HPSE2: variants seen among roughly 807,000 people sequenced by gnomAD.
The protein encoded by HPSE2 is heparanase 2 (inactive), also known as inactive heparanase-2.
Under a neutral mutation model 60.5 loss-of-function variants are expected in HPSE2, and 38 were observed. That is an observed-to-expected ratio of 0.63 (90% CI 0.48 to 0.82). HPSE2 has a LOEUF of 0.82. HPSE2 is among the 40% of genes least tolerant of loss of function. The pLI is 0.00. For missense variants in HPSE2, 713 were observed against 740.4 expected, an observed-to-expected ratio of 0.96 and a Z score of 0.43; for synonymous variants, 295 against 293.2, an observed-to-expected ratio of 1.01 and a Z score of -0.06.
At chr10:98,989,519 A>T (rs1338644941) in intron 3 of HPSE2, among the ~76,000 whole-genome samples, 1 of 148,380 alleles carries the variant, frequency 6.7e-6, no homozygotes. Context: ...GGGGGGAGGG[A>T]TAGCATTAGG....
chr10:99,088,648 T>C (rs918404324), intron 3 of HPSE2, among the ~76,000 whole-genome samples: 2 of 152,236 alleles, frequency 1.3e-5, no homozygotes, highest in African/African-American at 2.4e-5. Flanking sequence ...AACTGTGAAT[T>C]GCACTGCTAT....
chr10:99,104,061 G>A (rs1418488825), intron 3 of HPSE2, among the ~76,000 whole-genome samples: 1 of 152,150 alleles, frequency 6.6e-6, no homozygotes, highest in Non-Finnish European at 1.5e-5. Flanking sequence ...TACCATTCAG[G>A]ACATAGGCAT....
intron 5 of HPSE2, among the ~76,000 whole-genome samples, chr10:98,696,462 GA>G (rs1292522287): frequency 1.3e-5 from 2 of 152,212 alleles, no homozygotes; most frequent in East Asian, 3.9e-4. Context: ...ACAGGGCAGG[GA>G]AGCCCCGATC....
intron 3 of HPSE2, among the ~76,000 whole-genome samples, chr10:98,888,135 A>AACAC (rs3043548): frequency 0.047 from 6,634 of 140,716 alleles, 451 homozygotes; most frequent in African/African-American, 0.15. Flanking sequence ...TTTTAAAACA[A>AACAC]ACACACACAC....
chr10:99,296,128 T>G, the HPSE2 span, among the ~76,000 whole-genome samples: 1 of 152,226 alleles, frequency 6.6e-6, no homozygotes, highest in East Asian at 1.9e-4. Flanking sequence ...AAAAGCTTGC[T>G]CATATAGCCT....
At chr10:98,848,416 TA>T (rs146384443) in intron 3 of HPSE2, among the ~76,000 whole-genome samples, 156 of 141,734 alleles carry the variant, frequency 1.1e-3, no homozygotes, top group Middle Eastern at 3.6e-3. Context: ...AGACTCTGTC[TA>T]AAAAAAAAAA....
intron 5 of HPSE2, 104 bp from the exon 6 acceptor site, chr10:98,694,051 G>A (rs1193269515): frequency 1.1e-6 from 1 of 931,692 alleles, no homozygotes; most frequent in African/African-American, 1.6e-5. Flanking sequence ...CCTTAAGCAG[G>A]TATGCTTTCT....
rs887821411 is a variant in HPSE2, at chr10:99,193,436, T to C, written c.448+38912A>G. Among the ~76,000 whole-genome samples, 3 of 151,562 alleles carry C rather than the reference T, an allele frequency of 2.0e-5. No individual in the cohort carries two copies. The South Asian group carries it at 6.3e-4, about 32-fold the overall frequency. ...GAAGTAAGTCCTTAGTTATCAATAA[T>C]AACATTGAATTTAAAAGTCTAAACT... On this transcript the variant is annotated intron_variant, in intron 2 of 11. Coordinates refer to ENST00000370552, the MANE Select transcript of HPSE2 (RefSeq NM_021828.5).
At chr10:98,794,964 AGGGAGGGGAG>A (rs966522231) in intron 3 of HPSE2, among the ~76,000 whole-genome samples, 1 of 127,134 alleles carries the variant, frequency 7.9e-6, no homozygotes. Context: ...ACCATAGCCA[AGGGAGGGGAG>A]GGGAGGGGAG....
At chr10:98,938,264 G>A (rs1309859142) in intron 3 of HPSE2, among the ~76,000 whole-genome samples, 2 of 145,004 alleles carry the variant, frequency 1.4e-5, no homozygotes, top group East Asian at 3.9e-4. Flanking sequence ...GTTGAGAGAA[G>A]AAGGCTTCAG....
rs554304377 is a variant in HPSE2 at position 98,948,397 on chromosome 10, G to A, written c.610+195841C>T. ...AGAGGAATTAACAGAATATGACTTG[G>A]TGGAGATGAGTGCTTCCAAACCAAT... On this transcript the variant is annotated intron_variant, in intron 3 of 11. Transcript: ENST00000370552. Among the ~76,000 whole-genome samples, 4 of 152,260 alleles carry A rather than the reference G, an allele frequency of 2.6e-5. 1 individual carries two copies. The South Asian group carries it at 8.3e-4, about 32-fold the overall frequency.
chr10:98,941,372 A>C (rs1225643488), intron 3 of HPSE2, among the ~76,000 whole-genome samples: 3 of 126,800 alleles, frequency 2.4e-5, no homozygotes, highest in Admixed American at 8.2e-5. Context: ...GCTGATAAGC[A>C]ACTTCAGCAA....
At chr10:98,738,843 G>T (rs113236468) in intron 4 of HPSE2, among the ~76,000 whole-genome samples, 6 of 152,284 alleles carry the variant, frequency 3.9e-5, no homozygotes, top group African/African-American at 1.4e-4. Flanking sequence ...AGAAGATGTG[G>T]AGAAATAGGA....
At chr10:99,219,269 C>G (rs943026788) in intron 2 of HPSE2, among the ~76,000 whole-genome samples, 9 of 152,194 alleles carry the variant, frequency 5.9e-5, no homozygotes, top group African/African-American at 2.2e-4. Context: ...GGACTGGTTT[C>G]TAACCACACC....
intron 4 of HPSE2, among the ~76,000 whole-genome samples, chr10:98,725,509 A>C (rs903624189): frequency 2.6e-5 from 4 of 152,194 alleles, no homozygotes; most frequent in East Asian, 1.9e-4. Context: ...TAAAGACTTA[A>C]ATGTTAGACC....
At chr10:98,498,543 T>C (rs1941927372) in intron 9 of HPSE2, among the ~76,000 whole-genome samples, 3 of 151,950 alleles carry the variant, frequency 2.0e-5, no homozygotes, top group African/African-American at 7.3e-5. Context: ...CCTACCCAAA[T>C]GAGAAGCAAC....
chr10:98,527,556 C>T (rs536648841), intron 9 of HPSE2, among the ~76,000 whole-genome samples: 1 of 152,278 alleles, frequency 6.6e-6, no homozygotes, highest in African/African-American at 2.4e-5. Flanking sequence ...TTAAGTGCTC[C>T]TCCTCAGAGA....
intron 3 of HPSE2, among the ~76,000 whole-genome samples, chr10:99,138,940 C>T (rs1845764134): frequency 6.6e-6 from 1 of 152,108 alleles, no homozygotes; most frequent in African/African-American, 2.4e-5. Context: ...TACTGGGTAT[C>T]TACCTAAAGG....
At chr10:98,837,758 C>G (rs1256182896) in intron 3 of HPSE2, among the ~76,000 whole-genome samples, 2 of 152,012 alleles carry the variant, frequency 1.3e-5, no homozygotes, top group Non-Finnish European at 2.9e-5. Flanking sequence ...CCTGCAGTCC[C>G]AGCTGCTGGG....
Sources: allele counts gnomAD v4.1 joint callset (sites outside exome capture counted in the v4.1 genomes callset), GRCh38; gene constraint gnomAD v4.1.1; transcripts MANE v1.5; gene names NCBI Gene and HGNC (gene_info 2026-07-23, HGNC 2026-07-21).